PCNX2: variants seen among roughly 807,000 people sequenced by gnomAD.
The protein encoded by PCNX2 is pecanex-like protein 2.
Under a neutral mutation model 223.8 loss-of-function variants are expected in PCNX2, and 168 were observed. That is an observed-to-expected ratio of 0.75 (90% CI 0.66 to 0.85). PCNX2 has a LOEUF of 0.85. Ranked by LOEUF, PCNX2 falls within the 40% of genes least tolerant of loss-of-function variation. PCNX2 has a pLI of 0.00. For synonymous variants in PCNX2, 1,006 were observed against 1,052.6 expected (o/e 0.96, Z 0.86); for missense variants, 2,507 against 2,675.5 (o/e 0.94, Z 1.39).
intron 27 of PCNX2, among the ~76,000 whole-genome samples, chr1:233,015,010 A>G: frequency 6.6e-6 from 1 of 152,220 alleles, no homozygotes; most frequent in East Asian, 1.9e-4. Flanking sequence ...AAAAGGGCCT[A>G]CAATGTGGGC....
the PCNX2 span, among the ~76,000 whole-genome samples, chr1:233,309,774 C>T: frequency 6.6e-6 from 1 of 151,134 alleles, no homozygotes; most frequent in Admixed American, 6.6e-5. Flanking sequence ...GCTACTCAGG[C>T]GGCTGAGGTG....
chr1:233,236,667 A>G (rs999631804), intron 9 of PCNX2, among the ~76,000 whole-genome samples, 178 bp downstream of exon 9: 2 of 152,234 alleles, frequency 1.3e-5, no homozygotes, highest in East Asian at 1.9e-4. Flanking sequence ...GCTGCTATCT[A>G]TCTGATTTCC....
intron 13 of PCNX2, among the ~76,000 whole-genome samples, chr1:233,200,737 A>T (rs953203029): frequency 1.3e-5 from 2 of 151,784 alleles, no homozygotes; most frequent in African/African-American, 4.8e-5. Flanking sequence ...AAAACACAGG[A>T]CAGGACAGGC....
At chr1:233,047,866 T>C (rs1223285946) in intron 25 of PCNX2, among the ~76,000 whole-genome samples, 1 of 152,080 alleles carries the variant, frequency 6.6e-6, no homozygotes, top group Non-Finnish European at 1.5e-5. Flanking sequence ...CTGGACCTAA[T>C]AGAAATCTAT....
At chr1:233,049,343 A>G (rs1231573352) in intron 25 of PCNX2, among the ~76,000 whole-genome samples, 1 of 152,220 alleles carries the variant, frequency 6.6e-6, no homozygotes, top group Non-Finnish European at 1.5e-5. Context: ...ATACAAGTCA[A>G]TATATGTGAT....
At chr1:233,192,783 G>T (rs1166304194) in intron 15 of PCNX2, among the ~76,000 whole-genome samples, 4 of 151,572 alleles carry the variant, frequency 2.6e-5, no homozygotes, top group African/African-American at 9.7e-5. Flanking sequence ...GTAAAATTAG[G>T]ATAATAGTAC....
intron 28 of PCNX2, among the ~76,000 whole-genome samples, chr1:233,011,630 C>T (rs78057859): frequency 0.012 from 1,886 of 152,138 alleles, 51 homozygotes; most frequent in African/African-American, 0.042. Flanking sequence ...CAACCAATGA[C>T]GCTCCATAAA....
chr1:233,236,446 TA>T (rs2102962727), intron 9 of PCNX2, among the ~76,000 whole-genome samples: 1 of 152,212 alleles, frequency 6.6e-6, no homozygotes, highest in African/African-American at 2.4e-5. Flanking sequence ...GTCAAACATT[TA>T]AGAATCTTTG....
intron 4 of PCNX2, chr1:233,260,012 G>T: frequency 9.6e-6 from 2 of 208,670 alleles, no homozygotes; most frequent in Non-Finnish European, 1.7e-5. Flanking sequence ...ATACTATGCT[G>T]TTTTATATAA....
rs905308631 is a variant in PCNX2, at chr1:233,238,523, G to A, written c.2223-1543C>T. ...CCTGGCAACACAGTGAGACCTAAGC[G>A]CTACAAAAATAGAAAAAAAATTAGC... On this transcript the variant is annotated intron_variant, in intron 8 of 33. Coordinates refer to ENST00000258229, the MANE Select transcript of PCNX2 (RefSeq NM_014801.4). Among the ~76,000 whole-genome samples, 13 of 151,834 alleles carry A rather than the reference G, an allele frequency of 8.6e-5. No homozygotes were observed. The East Asian group carries it at 9.7e-4, about 11-fold the overall frequency.
At chr1:233,193,643 C>G (rs1383501366) in intron 15 of PCNX2, among the ~76,000 whole-genome samples, 2 of 152,166 alleles carry the variant, frequency 1.3e-5, no homozygotes, top group African/African-American at 2.4e-5. Context: ...TTACAAAAAT[C>G]TCAACTTTAA....
Position 232,986,417 on chromosome 1 carries a change from G to A in PCNX2, c.5915C>T (p.Ser1972Leu). 6.2e-7 allele frequency: 1 copy of A among 1,606,568 alleles called. No individual in the cohort carries two copies. The highest frequency in any genetic ancestry group is 8.5e-7 in the Non-Finnish European group (1 of 1,176,704). ...GAGCCTCTGGGCCAGCTCGTGCACT[G>A]AGGTGGACGTCTGGAGGAATGTTTG... ...SRQTFLQTST[S>L]VHELAQRLSG... The change falls in exon 33 of 34, where the codon TCA becomes TTA. Residue 1972 changes from serine to leucine, a missense_variant. Physicochemically the swap from Ser to Leu is moderately radical, Grantham distance 145 (BLOSUM62 -2). This residue lies in a region of PCNX2 where 1,372 missense variants were observed against 1,509.4 expected (regional missense o/e 0.91). Transcript: ENST00000258229.
At chr1:233,279,043 G>GT (rs1263624148) in intron 1 of PCNX2, among the ~76,000 whole-genome samples, 3 of 151,886 alleles carry the variant, frequency 2.0e-5, no homozygotes, top group Admixed American at 6.6e-5. Flanking sequence ...GGAATAAACC[G>GT]TTTTTTCCAA....
rs543736493 is a variant in PCNX2, at chr1:233,170,864, A to G, written c.3273+6938T>C. Among the ~76,000 whole-genome samples, 34 of 152,314 alleles carry G rather than the reference A, an allele frequency of 2.2e-4. No individual in the cohort carries two copies. In the South Asian group the frequency reaches 2.5e-3, roughly 11 times the overall value. ...TTGTTTCTATTCCTTTAGTAGTTGCACAAAACATTCCAACATGCATACCTA... is the reference window on the plus strand; with the variant it reads ...TTGTTTCTATTCCTTTAGTAGTTGCGCAAAACATTCCAACATGCATACCTA... On this transcript the variant is annotated intron_variant, in intron 17 of 33. Transcript: ENST00000258229.
rs139894538 is a variant in PCNX2, at chr1:233,056,622, G to A, written c.4135+610C>T. The stretch of plus-strand genomic sequence containing the variant: ...ATCATGTAGATGCAATTCAAATATA[G>A]ATAATGAGCACGATACAATTGTTCC... On this transcript the variant is annotated intron_variant, in intron 24 of 33. Transcript: ENST00000258229. 1.7e-4 allele frequency among the ~76,000 whole-genome samples: 26 copies of A among 152,262 alleles called. No individual in the cohort carries two copies. In the East Asian group the frequency reaches 5.0e-3, roughly 29 times the overall value.
In PCNX2 at chr1:232,990,892, C is replaced by G; in HGVS notation, c.5792-4352G>C. Among the ~76,000 whole-genome samples the G allele has an allele frequency of 6.6e-6, 1 of 152,202 alleles. No individual in the cohort carries two copies. Among genetic ancestry groups the G allele is most frequent in the East Asian group, 1.9e-4 (1 of 5,176 alleles). ...GGCCTACTTGCAGGCACGTGCACCCCCAGACGGGCATGTGAATGGGGAGGC... is the reference window on the plus strand; with the variant it reads ...GGCCTACTTGCAGGCACGTGCACCCGCAGACGGGCATGTGAATGGGGAGGC... On this transcript the variant is annotated intron_variant, in intron 32 of 33. Coordinates refer to ENST00000258229, the MANE Select transcript of PCNX2 (RefSeq NM_014801.4). This position sits in a 1 kb window ranked among gnomAD's most constrained non-coding sequence, Gnocchi z 4.3.
chr1:233,248,373 C>T (rs1659252165), intron 8 of PCNX2, among the ~76,000 whole-genome samples: 1 of 152,002 alleles, frequency 6.6e-6, no homozygotes, highest in Non-Finnish European at 1.5e-5. Flanking sequence ...GGTAATATGG[C>T]TCAGTCAGAA....
intron 12 of PCNX2, among the ~76,000 whole-genome samples, chr1:233,210,897 G>A (rs982935276): frequency 1.3e-5 from 2 of 152,146 alleles, no homozygotes; most frequent in Non-Finnish European, 2.9e-5. Context: ...TTTTCCATCA[G>A]CCCTACCTCC....
the PCNX2 span, among the ~76,000 whole-genome samples, chr1:233,313,737 C>T: frequency 2.0e-5 from 3 of 152,066 alleles, no homozygotes; most frequent in African/African-American, 7.2e-5. Flanking sequence ...CAAAAATGGA[C>T]AAAGAAATAA....
Sources: gnomAD v4.1 joint callset for allele counts (sites outside exome capture counted in the v4.1 genomes callset) on GRCh38, gnomAD v4.1.1 for gene constraint, gnomAD v4.1.1 regional missense constraint, Gnocchi (gnomAD v3.1) non-coding constraint, MANE v1.5 for transcripts, NCBI Gene and HGNC (gene_info 2026-07-23, HGNC 2026-07-21) for gene names.